Variants in BRWD3 observed in about 807,000 individuals in gnomAD.
The protein encoded by BRWD3 is bromodomain and WD repeat domain containing 3, also known as bromodomain and WD repeat-containing protein 3.
Under a neutral mutation model 149.7 loss-of-function variants are expected in BRWD3, and 10 were observed. That is an observed-to-expected ratio of 0.07 (90% CI 0.04 to 0.11). The LOEUF (loss-of-function observed/expected upper bound fraction) is 0.11, where lower values mean the gene tolerates loss of function less well. Among genes scored for constraint, BRWD3 ranks in the 10% least tolerant of loss-of-function variants. The probability of loss-of-function intolerance (pLI) is 1.00; values close to 1 mark genes in which losing one functional copy is unlikely to be tolerated. For missense variants in BRWD3, 940 were observed against 1,373.2 expected, an observed-to-expected ratio of 0.68 and a Z score of 4.99; for synonymous variants, 504 against 456.7, an observed-to-expected ratio of 1.10 and a Z score of -1.32.
rs776562148 is a variant in BRWD3, at chrX:80,679,710, C to T, written c.4654+1631G>A. Among the ~76,000 whole-genome samples, 4 of 109,157 alleles carry T rather than the reference C, an allele frequency of 3.7e-5. No homozygotes were observed. The East Asian group carries it at 8.6e-4, about 24-fold the overall frequency. The allele number at this position is 109,157 out of a possible 115,157, so 94.8% of individuals were successfully genotyped here. A position where few individuals can be genotyped will look rare whatever the true frequency, so the allele number is the denominator to read the frequency against. On this transcript the variant is annotated intron_variant, in intron 40 of 40. Coordinates refer to ENST00000373275, the MANE Select transcript of BRWD3 (RefSeq NM_153252.5). The stretch of plus-strand genomic sequence containing the variant: ...TAGAGTTCATAGAGAAGGTAGTCAA[C>T]AACATGCAATGATATAGAGATTGAA...
intron 22 of BRWD3, 102 bp downstream of exon 22, chrX:80,707,325 A>G (rs1160301367): frequency 9.9e-6 from 8 of 811,441 alleles, no homozygotes; most frequent in Non-Finnish European, 1.4e-5. Context: ...TTTCTACTAT[A>G]AAACACTATT....
chrX:80,738,046 T>A (rs1393041932), intron 8 of BRWD3, among the ~76,000 whole-genome samples: 1 of 112,508 alleles, frequency 8.9e-6, no homozygotes, highest in Non-Finnish European at 1.9e-5. Context: ...ATATTTACTA[T>A]CTGGCCTGTA....
chrX:80,798,939 T>A (rs932357013), intron 4 of BRWD3, among the ~76,000 whole-genome samples: 2 of 112,177 alleles, frequency 1.8e-5, no homozygotes, highest in Admixed American at 9.5e-5. Flanking sequence ...TGTCCAATTG[T>A]TACAATGAAA....
intron 11 of BRWD3, 127 bp from the exon 12 acceptor site, chrX:80,733,623 C>A (rs183436539): frequency 2.0e-6 from 1 of 507,973 alleles, no homozygotes; most frequent in Non-Finnish European, 3.3e-6. Context: ...TTCAATGAAG[C>A]CCAAAACAAT....
intron 16 of BRWD3, among the ~76,000 whole-genome samples, 200 bp downstream of exon 16, chrX:80,723,548 C>CT (rs1166271854): frequency 3.6e-5 from 4 of 109,929 alleles, no homozygotes; most frequent in Non-Finnish European, 7.6e-5. Context: ...TATAACTTAT[C>CT]TCTATTGTGA....
intron 25 of BRWD3, 95 bp downstream of exon 25, chrX:80,699,862 G>A (rs757495444): frequency 1.7e-6 from 1 of 584,333 alleles, no homozygotes; most frequent in Non-Finnish European, 2.9e-6. Context: ...AATCAACAGT[G>A]AAATATGCAT....
At chrX:80,707,376 C>T (rs1435780774) in intron 22 of BRWD3, 51 bp downstream of exon 22, 9 of 1,029,511 alleles carry the variant, frequency 8.7e-6, no homozygotes, top group South Asian at 2.0e-5. Context: ...AACATAATTT[C>T]GTATTAAAAC....
intron 33 of BRWD3, among the ~76,000 whole-genome samples, chrX:80,689,432 T>TA (rs1346867344): frequency 9.0e-6 from 1 of 111,615 alleles, no homozygotes; most frequent in Non-Finnish European, 1.9e-5. Context: ...ATATAGAAAA[T>TA]AAAATCCTTA....
chrX:80,791,905 T>G lies in BRWD3; in HGVS notation c.379A>C (p.Arg127=). 8.3e-7 allele frequency: 1 copy of G among 1,208,831 alleles called. No homozygotes were observed. ...WNGSAFAALH[R]GRPPELPVNY... is the part of the protein sequence containing the mutation. ...ACAGGTAGTTCTGGAGGTCTGCCTCTATGCAGAGCCGCAAAAGCAGACCCA... is the reference window on the plus strand; with the variant it reads ...ACAGGTAGTTCTGGAGGTCTGCCTCGATGCAGAGCCGCAAAAGCAGACCCA... Residue 127 remains arginine, a synonymous_variant, in exon 6 of 41, where the codon AGA becomes CGA. Transcript: ENST00000373275.
intron 4 of BRWD3, among the ~76,000 whole-genome samples, chrX:80,808,077 C>A (rs1305332224): frequency 6.6e-5 from 6 of 90,257 alleles, no homozygotes; most frequent in Admixed American, 3.7e-4. Context: ...CCCGCCCCCC[C>A]CAAAAAAGAC....
At chrX:80,682,151 A>C in intron 38 of BRWD3, 57 bp from the exon 39 acceptor site, 2 of 969,164 alleles carry the variant, frequency 2.1e-6, no homozygotes, top group Admixed American at 4.4e-5. Context: ...GCAACATATT[A>C]TGATAGACAG....
chrX:80,720,172 T>C (rs1459946472), intron 17 of BRWD3, among the ~76,000 whole-genome samples: 1 of 111,854 alleles, frequency 8.9e-6, no homozygotes, highest in African/African-American at 3.2e-5. Context: ...CCATACTTCG[T>C]ATCATTTTGA....
intron 4 of BRWD3, among the ~76,000 whole-genome samples, chrX:80,798,076 C>T (rs1308161375): frequency 9.0e-6 from 1 of 110,848 alleles, no homozygotes; most frequent in African/African-American, 3.3e-5. Context: ...GACTAGGCGA[C>T]AGAGCGAGAC....
chrX:80,744,062 C>G lies in BRWD3; in HGVS notation c.783G>C (p.Gln261His). 1 of 1,211,104 alleles carries G rather than the reference C, an allele frequency of 8.3e-7. No homozygotes were observed. The highest frequency in any genetic ancestry group is 1.1e-6 in the Non-Finnish European group (1 of 895,020). The change falls in exon 8 of 41, where the codon CAG becomes CAC. Residue 261 changes from glutamine to histidine, a missense_variant. Physicochemically the swap from Gln to His is conservative, Grantham distance 24. Around this residue, in one of 6 missense-constraint regions of BRWD3, gnomAD observed 209 missense variants for 396.8 expected, o/e 0.53. Coordinates refer to ENST00000373275, the MANE Select transcript of BRWD3 (RefSeq NM_153252.5). ...TGGAAGTAATAGAAGCTGAATGGCC[C>G]TGAAGGACTGCAACGGGTGCACAAG... ...LRTCAPVAVL[Q>H]GHSASITSIQ...
intron 10 of BRWD3, 46 bp downstream of exon 10, chrX:80,735,081 T>C: frequency 9.6e-7 from 1 of 1,040,578 alleles, no homozygotes; most frequent in Non-Finnish European, 1.4e-6. Flanking sequence ...CACAACTGGA[T>C]CGTTAAATAT....
At chrX:80,757,264 T>C (rs2073752127) in intron 6 of BRWD3, among the ~76,000 whole-genome samples, 1 of 112,031 alleles carries the variant, frequency 8.9e-6, no homozygotes, top group Admixed American at 9.5e-5. Flanking sequence ...AAAAGTAAAA[T>C]GGCAATACAC....
chrX:80,780,277 A>T (rs1428849319), intron 6 of BRWD3, among the ~76,000 whole-genome samples: 1 of 111,395 alleles, frequency 9.0e-6, no homozygotes, highest in Non-Finnish European at 1.9e-5. Context: ...AGAAAAATCT[A>T]AAGGAATAAT....
At chrX:80,738,447 A>C (rs996650229) in intron 8 of BRWD3, among the ~76,000 whole-genome samples, 3 of 112,083 alleles carry the variant, frequency 2.7e-5, no homozygotes, top group Non-Finnish European at 5.6e-5. Context: ...ATACCACTTT[A>C]ACTATATTTT....
intron 8 of BRWD3, among the ~76,000 whole-genome samples, chrX:80,741,791 T>C (rs1405917161): frequency 8.9e-6 from 1 of 111,980 alleles, no homozygotes; most frequent in Non-Finnish European, 1.9e-5. Flanking sequence ...TTTGAGTTCA[T>C]TGTAGATTCT....
Sources: allele counts gnomAD v4.1 joint callset (sites outside exome capture counted in the v4.1 genomes callset), GRCh38; gene constraint gnomAD v4.1.1; regional missense constraint gnomAD v4.1.1; transcripts MANE v1.5; gene names NCBI Gene and HGNC (gene_info 2026-07-23, HGNC 2026-07-21).